CTNND2: variants seen among roughly 807,000 people sequenced by gnomAD.
CTNND2 encodes the protein catenin delta-2.
CTNND2 carries 22 observed loss-of-function variants against 144.4 expected under a neutral mutation model. The observed-to-expected ratio is 0.15, with a 90% confidence interval of 0.11 to 0.22. The LOEUF (loss-of-function observed/expected upper bound fraction) is 0.22, where lower values mean the gene tolerates loss of function less well. CTNND2 is among the 10% of genes least tolerant of loss of function. The pLI, the probability that CTNND2 is intolerant of heterozygous loss-of-function variation, is 1.00. For synonymous variants in CTNND2, 751 were observed against 695.6 expected (o/e 1.08, Z -1.25); for missense variants, 1,353 against 1,618.8 (o/e 0.84, Z 2.82).
chr5:11,242,790 G>A (rs1742587555), intron 9 of CTNND2, among the ~76,000 whole-genome samples: 1 of 152,194 alleles, frequency 6.6e-6, no homozygotes, highest in Non-Finnish European at 1.5e-5. Flanking sequence ...CTGTCAAGAA[G>A]TTCAGAATTT....
At chr5:11,660,886 T>C (rs373423389) in intron 2 of CTNND2, among the ~76,000 whole-genome samples, 1 of 152,122 alleles carries the variant, frequency 6.6e-6, no homozygotes, top group South Asian at 2.1e-4. Context: ...AAAAGTAACA[T>C]TTAATTTAAA....
At chr5:11,596,800 C>G (rs929108945) in intron 2 of CTNND2, among the ~76,000 whole-genome samples, 4 of 152,192 alleles carry the variant, frequency 2.6e-5, no homozygotes, top group South Asian at 4.1e-4. Context: ...ACAGGCTGAA[C>G]ATGACTGGCA....
At chr5:11,550,539 C>T (rs1183399665) in intron 3 of CTNND2, among the ~76,000 whole-genome samples, 3 of 152,138 alleles carry the variant, frequency 2.0e-5, no homozygotes, top group African/African-American at 7.2e-5. Flanking sequence ...TGCTGAGAGT[C>T]CCATTCTCAA....
chr5:11,393,311 C>T (rs1281015430), intron 6 of CTNND2, among the ~76,000 whole-genome samples: 6 of 152,140 alleles, frequency 3.9e-5, no homozygotes, highest in South Asian at 2.1e-4. Flanking sequence ...CCTAAGATTG[C>T]GGTTGTGCAC....
At chr5:11,320,079 G>A (rs982388118) in intron 9 of CTNND2, among the ~76,000 whole-genome samples, 2 of 152,132 alleles carry the variant, frequency 1.3e-5, no homozygotes. Context: ...CATTCTGCAC[G>A]GAGTTTACAT....
chr5:11,134,594 C>T (rs1039200536), intron 12 of CTNND2, among the ~76,000 whole-genome samples: 1 of 152,152 alleles, frequency 6.6e-6, no homozygotes, highest in Admixed American at 6.5e-5. Context: ...TTTCTGCTAA[C>T]GTATTTCAAA....
chr5:11,558,801 T>C (rs1776450363), intron 3 of CTNND2, among the ~76,000 whole-genome samples: 1 of 152,160 alleles, frequency 6.6e-6, no homozygotes, highest in African/African-American at 2.4e-5. Flanking sequence ...GCTATGCACT[T>C]ACTGTCTATG....
chr5:11,836,382 T>C (rs1794181897), intron 1 of CTNND2, among the ~76,000 whole-genome samples: 1 of 152,180 alleles, frequency 6.6e-6, no homozygotes, highest in Non-Finnish European at 1.5e-5. Flanking sequence ...TCTTTGACAG[T>C]GACTAGCTAA....
At chr5:11,211,737 T>C (rs1738659006) in intron 10 of CTNND2, among the ~76,000 whole-genome samples, 1 of 152,170 alleles carries the variant, frequency 6.6e-6, no homozygotes, top group Non-Finnish European at 1.5e-5. Flanking sequence ...TCATGCAAAA[T>C]GGAAAATAAC....
At chr5:11,783,665 T>C (rs1468616024) in intron 1 of CTNND2, among the ~76,000 whole-genome samples, 1 of 152,172 alleles carries the variant, frequency 6.6e-6, no homozygotes, top group Non-Finnish European at 1.5e-5. Flanking sequence ...GTGGAGATCA[T>C]GAGCAAGTCT....
chr5:11,827,236 AAAG>A (rs1793651845), intron 1 of CTNND2, among the ~76,000 whole-genome samples: 1 of 152,204 alleles, frequency 6.6e-6, no homozygotes. Context: ...ATGGGATGTC[AAAG>A]AAGAAAGTCA....
intron 12 of CTNND2, among the ~76,000 whole-genome samples, chr5:11,133,770 G>A (rs1277381600): frequency 6.6e-6 from 1 of 152,222 alleles, no homozygotes; most frequent in African/African-American, 2.4e-5. Flanking sequence ...TTAATCACTA[G>A]TTAGGAATAA....
chr5:11,454,261 A>C (rs1420437429), intron 3 of CTNND2, among the ~76,000 whole-genome samples: 1 of 152,082 alleles, frequency 6.6e-6, no homozygotes, highest in Non-Finnish European at 1.5e-5. Flanking sequence ...CTCTACTAAA[A>C]ATATAAAATT....
chr5:11,329,668 A>G (rs1752881788), intron 9 of CTNND2, among the ~76,000 whole-genome samples: 1 of 152,174 alleles, frequency 6.6e-6, no homozygotes, highest in Admixed American at 6.5e-5. Context: ...GAAGTCAGAG[A>G]TTGGAGACCA....
At chr5:11,167,292 A>T (rs1759436142) in intron 11 of CTNND2, among the ~76,000 whole-genome samples, 1 of 152,194 alleles carries the variant, frequency 6.6e-6, no homozygotes, top group Admixed American at 6.5e-5. Flanking sequence ...CAAATACAGA[A>T]TTTTTTAAAC....
In CTNND2 at chr5:11,346,518, G is replaced by A; in HGVS notation, c.1482C>T (p.Gly494=). 2 of 1,606,128 alleles carry A rather than the reference G, an allele frequency of 1.2e-6. No individual in the cohort carries two copies. Among genetic ancestry groups the A allele is most frequent in the Non-Finnish European group, 1.7e-6 (2 of 1,176,624 alleles). Residue 494 remains glycine (G), a synonymous_variant, in exon 9 of 22, where the codon GGC becomes GGT. Transcript: ENST00000304623. ...AGGGGTCCGCGTAATTGGAGGCTGGGCCGGCGGCATAGCTGGCCCTCTGGA... is the reference window on the plus strand; with the variant it reads ...AGGGGTCCGCGTAATTGGAGGCTGGACCGGCGGCATAGCTGGCCCTCTGGA... ...ATFQRASYAA[G]PASNYADPYR...
chr5:11,348,571 G>C (rs774868887), intron 8 of CTNND2, among the ~76,000 whole-genome samples: 1 of 151,782 alleles, frequency 6.6e-6, no homozygotes, highest in African/African-American at 2.4e-5. Flanking sequence ...GAAAGAAATA[G>C]TTTTCTATGC....
chr5:11,600,267 A>G (rs1779715671), intron 2 of CTNND2, among the ~76,000 whole-genome samples: 1 of 152,190 alleles, frequency 6.6e-6, no homozygotes, highest in Non-Finnish European at 1.5e-5. Context: ...CTAAATTCTA[A>G]GCAGTATGTG....
At chr5:11,335,788 A>G (rs1208958360) in intron 9 of CTNND2, among the ~76,000 whole-genome samples, 3 of 152,292 alleles carry the variant, frequency 2.0e-5, no homozygotes, top group African/African-American at 4.8e-5. Context: ...TGTGTGCCAG[A>G]TGGAAAATTG....
Sources: allele counts gnomAD v4.1 joint callset (sites outside exome capture counted in the v4.1 genomes callset), GRCh38; gene constraint gnomAD v4.1.1; transcripts MANE v1.5; gene names NCBI Gene and HGNC (gene_info 2026-07-23, HGNC 2026-07-21).